KLF12: variants seen among roughly 807,000 people sequenced by gnomAD.
The protein encoded by KLF12 is KLF transcription factor 12.
Under a neutral mutation model 37.8 loss-of-function variants are expected in KLF12, and 9 were observed. That is an observed-to-expected ratio of 0.24 (90% CI 0.14 to 0.42). The LOEUF (loss-of-function observed/expected upper bound fraction) is 0.42. Ranked by LOEUF, KLF12 falls within the 10% of genes least tolerant of loss-of-function variation. The pLI, the probability that KLF12 is intolerant of heterozygous loss-of-function variation, is 1.00. For missense variants in KLF12, 411 were observed against 516.0 expected (o/e 0.80, Z 1.97); for synonymous variants, 208 against 202.1 (o/e 1.03, Z -0.25).
the KLF12 span, among the ~76,000 whole-genome samples, chr13:74,156,076 G>T: frequency 6.6e-6 from 1 of 152,160 alleles, no homozygotes; most frequent in Non-Finnish European, 1.5e-5. Flanking sequence ...AGCACTTCTT[G>T]TCCATCCTTC....
At chr13:74,026,091 T>C (rs968162001) in intron 1 of KLF12, among the ~76,000 whole-genome samples, 3 of 151,964 alleles carry the variant, frequency 2.0e-5, no homozygotes, top group African/African-American at 7.3e-5. Flanking sequence ...CCTATTTTTA[T>C]TATAAAGATC....
intron 3 of KLF12, among the ~76,000 whole-genome samples, chr13:73,933,251 C>T (rs1216319218): frequency 1.3e-5 from 2 of 152,100 alleles, no homozygotes; most frequent in Non-Finnish European, 2.9e-5. Flanking sequence ...ATACAGGGCA[C>T]CAACATTTTG....
At chr13:74,049,583 T>C (rs1369159300) in intron 1 of KLF12, among the ~76,000 whole-genome samples, 1 of 152,074 alleles carries the variant, frequency 6.6e-6, no homozygotes, top group Non-Finnish European at 1.5e-5. Flanking sequence ...ATTAAAAATA[T>C]GATAGTAAAA....
intron 5 of KLF12, among the ~76,000 whole-genome samples, chr13:73,804,804 C>T (rs548842990): frequency 6.6e-6 from 1 of 152,158 alleles, no homozygotes; most frequent in Non-Finnish European, 1.5e-5. Context: ...ATATCTGAGT[C>T]AAAGAATATT....
At chr13:74,197,284 C>A in the KLF12 span, among the ~76,000 whole-genome samples, 1 of 152,070 alleles carries the variant, frequency 6.6e-6, no homozygotes, top group Non-Finnish European at 1.5e-5. Flanking sequence ...ATTTTTCAGG[C>A]AATTTTACAA....
chr13:73,806,124 T>TC (rs1882609364), intron 5 of KLF12, among the ~76,000 whole-genome samples: 1 of 151,088 alleles, frequency 6.6e-6, no homozygotes, highest in Non-Finnish European at 1.5e-5. Context: ...TTCTTTTTTT[T>TC]TTTTTGAGAT....
chr13:73,778,885 T>C (rs1880791035), intron 5 of KLF12, among the ~76,000 whole-genome samples: 1 of 152,168 alleles, frequency 6.6e-6, no homozygotes, highest in African/African-American at 2.4e-5. Context: ...AGCAGCTCTT[T>C]TAAAAAATGT....
intron 7 of KLF12, among the ~76,000 whole-genome samples, chr13:73,700,742 AC>A (rs780558266): frequency 1.1e-4 from 16 of 152,128 alleles, no homozygotes; most frequent in Non-Finnish European, 1.8e-4. Context: ...ATTAAAAAAA[AC>A]AAAACAAAAC....
At chr13:73,744,818 C>T (rs1448098170) in intron 6 of KLF12, among the ~76,000 whole-genome samples, 8 of 152,284 alleles carry the variant, frequency 5.3e-5, no homozygotes, top group South Asian at 2.1e-4. Context: ...GGTGAGCATA[C>T]GCATGTCTCT....
chr13:74,071,162 A>C (rs2138701263), intron 1 of KLF12, among the ~76,000 whole-genome samples: 1 of 152,320 alleles, frequency 6.6e-6, no homozygotes, highest in East Asian at 1.9e-4. Flanking sequence ...AATAATATGG[A>C]GTTTCAGTCT....
At chr13:74,014,295 T>G (rs1453758328) in intron 1 of KLF12, among the ~76,000 whole-genome samples, 3 of 152,212 alleles carry the variant, frequency 2.0e-5, no homozygotes, top group African/African-American at 7.2e-5. Context: ...ATTTGCTTAT[T>G]CCATGCTAAT....
intron 1 of KLF12, among the ~76,000 whole-genome samples, chr13:74,044,950 A>C (rs2138561967): frequency 6.6e-6 from 1 of 152,336 alleles, no homozygotes; most frequent in Non-Finnish European, 1.5e-5. Context: ...ACAATATAAA[A>C]TAAATATCCA....
At chr13:73,827,761 C>T (rs1387257235) in intron 4 of KLF12, among the ~76,000 whole-genome samples, 1 of 152,146 alleles carries the variant, frequency 6.6e-6, no homozygotes, top group Non-Finnish European at 1.5e-5. Flanking sequence ...CAGGGTTCCA[C>T]CATGCTGGCC....
chr13:73,761,464 G>A (rs557124474), intron 6 of KLF12, among the ~76,000 whole-genome samples: 31 of 152,218 alleles, frequency 2.0e-4, no homozygotes, highest in African/African-American at 7.0e-4. Flanking sequence ...TGGCATCAGA[G>A]GAATCTGCAC....
intron 3 of KLF12, among the ~76,000 whole-genome samples, chr13:73,920,144 C>A (rs1230058055): frequency 6.6e-6 from 1 of 152,166 alleles, no homozygotes; most frequent in Non-Finnish European, 1.5e-5. Flanking sequence ...TGAGATGTAA[C>A]TGGTGCTTGT....
chr13:74,212,141 A>C, the KLF12 span, among the ~76,000 whole-genome samples: 2 of 152,206 alleles, frequency 1.3e-5, no homozygotes, highest in East Asian at 1.9e-4. Flanking sequence ...GCCAACATTT[A>C]ATTTAACAGT....
chr13:73,801,037 G>A (rs1882255020), intron 5 of KLF12: 1 of 152,076 alleles, frequency 6.6e-6, no homozygotes, highest in Non-Finnish European at 1.5e-5. Flanking sequence ...GATTGTAAAG[G>A]AGATGGCAAA....
At chr13:74,260,376 CA>C in the KLF12 span, among the ~76,000 whole-genome samples, 1 of 151,710 alleles carries the variant, frequency 6.6e-6, no homozygotes, top group Admixed American at 6.6e-5. Flanking sequence ...GACAACCTAG[CA>C]AGACACTATT....
At chr13:74,079,631 C>T (rs1170447125) in intron 1 of KLF12, among the ~76,000 whole-genome samples, 1 of 152,120 alleles carries the variant, frequency 6.6e-6, no homozygotes, top group African/African-American at 2.4e-5. Context: ...GCTGAGATAG[C>T]GCTTCACACA....
Sources: gnomAD v4.1 joint callset for allele counts (sites outside exome capture counted in the v4.1 genomes callset) on GRCh38, gnomAD v4.1.1 for gene constraint, MANE v1.5 for transcripts, NCBI Gene and HGNC (gene_info 2026-07-23, HGNC 2026-07-21) for gene names.